The following LMX1B variants were observed in gnomAD, a reference collection of about 807,000 sequenced individuals.
LMX1B encodes LIM homeobox transcription factor 1-beta.
In LMX1B, 12 loss-of-function variants were observed where a neutral mutation model predicts 51.4. That is an observed-to-expected ratio of 0.23 (90% CI 0.15 to 0.38). LMX1B has a LOEUF of 0.38. Ranked by LOEUF, LMX1B falls within the 10% of genes least tolerant of loss-of-function variation. LMX1B has a pLI of 1.00. For missense variants in LMX1B, 445 were observed against 571.1 expected (o/e 0.78, Z 2.25); for synonymous variants, 237 against 235.4 (o/e 1.01, Z -0.06).
At chr9:126,678,319 AAACAAAAAAC>A (rs1354915404) in intron 2 of LMX1B, among the ~76,000 whole-genome samples, 46 of 127,590 alleles carry the variant, frequency 3.6e-4, no homozygotes, top group African/African-American at 2.1e-3. Flanking sequence ...CAAAAAAAAA[AAACAAAAAAC>A]AAAAAAAAAA....
intron 2 of LMX1B, among the ~76,000 whole-genome samples, chr9:126,650,794 C>T (rs900704830): frequency 2.0e-5 from 3 of 152,292 alleles, no homozygotes; most frequent in Middle Eastern, 3.4e-3. Flanking sequence ...GTGCCCTGGG[C>T]GGCCCTCGGC....
intron 2 of LMX1B, among the ~76,000 whole-genome samples, chr9:126,648,089 A>C (rs901392859): frequency 1.3e-5 from 2 of 152,236 alleles, no homozygotes; most frequent in Non-Finnish European, 2.9e-5. Flanking sequence ...TGTGAAATTC[A>C]TAACTCCCAG....
In LMX1B at chr9:126,658,219, G is replaced by C. The variant is rs117836425; in HGVS notation, c.327-32617G>C. On this transcript the variant is annotated intron_variant, in intron 2 of 7. Coordinates refer to ENST00000373474, the MANE Select transcript of LMX1B (RefSeq NM_001174147.2). This position sits in a 1 kb window ranked among gnomAD's most constrained non-coding sequence, Gnocchi z 4.0. Reference sequence around the variant, plus strand: ...GTTGTAGGAGTGGGACAGGGCAGGAGGGGGGTGAGTCTACAAAGGGTACCA... The same window carrying C: ...GTTGTAGGAGTGGGACAGGGCAGGACGGGGGTGAGTCTACAAAGGGTACCA... Among the ~76,000 whole-genome samples, 3,603 of 152,196 alleles carry C rather than the reference G, an allele frequency of 0.024. 72 individuals carry two copies. The highest frequency in any genetic ancestry group is 0.037 in the Non-Finnish European group (2,518 of 67,992).
At chr9:126,629,685 G>A (rs1301725501) in intron 2 of LMX1B, among the ~76,000 whole-genome samples, 1 of 152,062 alleles carries the variant, frequency 6.6e-6, no homozygotes, top group Non-Finnish European at 1.5e-5. Flanking sequence ...CTTTGATGGG[G>A]ATTCACTCAC....
chr9:126,669,243 AGG>A lies in LMX1B; in HGVS notation c.327-21592_327-21591del, dbSNP rs1564161488. Among the ~76,000 whole-genome samples, 177 of 44,896 alleles carry A rather than the reference AGG, an allele frequency of 3.9e-3. 2 individuals carry two copies. The highest frequency in any genetic ancestry group is 0.018 in the African/African-American group (169 of 9,404). The allele number at this position is 44,896 out of a possible 152,430, so 29.5% of individuals were successfully genotyped here. On this transcript the variant is annotated intron_variant, in intron 2 of 7. Transcript: ENST00000373474. The stretch of plus-strand genomic sequence containing the variant: ...GAGGCTGAAACAAGGCCTGGCCGCG[AGG>A]AGGGTGGAGACAGGGATGAGGGCTC...
intron 2 of LMX1B, among the ~76,000 whole-genome samples, chr9:126,624,793 C>T (rs1171358941): frequency 2.4e-4 from 37 of 151,818 alleles, no homozygotes; most frequent in Admixed American, 2.4e-3. Flanking sequence ...ATTACAAAAA[C>T]CCTAAACCCC....
intron 2 of LMX1B, among the ~76,000 whole-genome samples, chr9:126,643,405 C>T (rs1835842369): frequency 1.3e-5 from 2 of 152,126 alleles, no homozygotes; most frequent in African/African-American, 4.8e-5. Flanking sequence ...CAGTGTGACC[C>T]TGGCTCAGTC....
At chr9:126,687,426 C>T (rs1334943209) in intron 2 of LMX1B, among the ~76,000 whole-genome samples, 1 of 152,082 alleles carries the variant, frequency 6.6e-6, no homozygotes, top group East Asian at 1.9e-4. Flanking sequence ...GACGGGGTTT[C>T]ACCATGTTGG....
intron 2 of LMX1B, among the ~76,000 whole-genome samples, chr9:126,664,615 C>T (rs1397865143): frequency 1.3e-5 from 2 of 152,200 alleles, no homozygotes; most frequent in African/African-American, 4.8e-5. Context: ...GTGGCTCACG[C>T]TTGTAATCCC....
chr9:126,638,337 A>T (rs1018622744), intron 2 of LMX1B, among the ~76,000 whole-genome samples: 2 of 151,988 alleles, frequency 1.3e-5, no homozygotes, highest in Non-Finnish European at 2.9e-5. Flanking sequence ...AAGGTGAACG[A>T]CGGGGCCTCC....
chr9:126,643,171 T>TG (rs1167538437), intron 2 of LMX1B, among the ~76,000 whole-genome samples: 1 of 151,818 alleles, frequency 6.6e-6, no homozygotes, highest in Non-Finnish European at 1.5e-5. Flanking sequence ...GGGTGGAGGC[T>TG]GGGGGGCAGT....
rs1050085786 is a variant in LMX1B at position 126,658,107 on chromosome 9, G to A, written c.327-32729G>A. Among the ~76,000 whole-genome samples the A allele has an allele frequency of 2.0e-5, 3 of 152,022 alleles. No individual in the cohort carries two copies. Among genetic ancestry groups the A allele is most frequent in the East Asian group, 1.9e-4 (1 of 5,176 alleles). Reference sequence around the variant, plus strand: ...GGACCTGAGTGGGAACAACCAAGCCGGAGACTCCTGGGTATGAAGGGCAGA... The same window carrying A: ...GGACCTGAGTGGGAACAACCAAGCCAGAGACTCCTGGGTATGAAGGGCAGA... On this transcript the variant is annotated intron_variant, in intron 2 of 7. Transcript: ENST00000373474. This position sits in a 1 kb window ranked among gnomAD's most constrained non-coding sequence, Gnocchi z 4.0.
At chr9:126,690,276 C>T (rs1044156305) in intron 2 of LMX1B, among the ~76,000 whole-genome samples, 5 of 152,202 alleles carry the variant, frequency 3.3e-5, no homozygotes, top group Admixed American at 6.5e-5. Flanking sequence ...AAAGATCCCC[C>T]TGGCTCCTGT....
chr9:126,655,395 A>G (rs1347426566), intron 2 of LMX1B, among the ~76,000 whole-genome samples: 3 of 152,158 alleles, frequency 2.0e-5, no homozygotes, highest in Non-Finnish European at 4.4e-5. Flanking sequence ...GGAGCTGGCC[A>G]GGGACACCTG....
At position 126,675,401 on chromosome 9, in the gene LMX1B, C is replaced by T. The variant is rs966027081; in HGVS notation, c.327-15435C>T. On this transcript the variant is annotated intron_variant, in intron 2 of 7. Transcript: ENST00000373474. ...CAGTATTAAATTATGGAATGCATTA[C>T]CTCTTCAAAAACAAATTCAATAATT... Among the ~76,000 whole-genome samples the T allele has an allele frequency of 2.0e-5, 3 of 152,206 alleles. No individual in the cohort carries two copies. The East Asian group carries it at 5.8e-4, about 29-fold the overall frequency.
intron 2 of LMX1B, among the ~76,000 whole-genome samples, chr9:126,668,259 G>A (rs1207029990): frequency 6.6e-6 from 1 of 152,092 alleles, no homozygotes; most frequent in Non-Finnish European, 1.5e-5. Context: ...GTCAGGCTGT[G>A]TCACTTCCTG....
At chr9:126,674,988 G>A (rs1024536521) in intron 2 of LMX1B, among the ~76,000 whole-genome samples, 22 of 152,320 alleles carry the variant, frequency 1.4e-4, no homozygotes, top group African/African-American at 4.1e-4. Flanking sequence ...CAGGGCATGG[G>A]TTAAATAAGT....
rs1469503021 is a variant in LMX1B, at chr9:126,695,954, G to T, written c.1002G>T (p.Gln334His). The change falls in exon 7 of 8, where the codon CAG (glutamine) becomes CAT (histidine). Residue 334 changes from glutamine (Q) to histidine (H), a missense_variant. Gln to His is a conservative substitution (Grantham distance 24). This residue lies in a region of LMX1B where 162 missense variants were observed against 187.8 expected (regional missense o/e 0.86). Transcript: ENST00000373474. The surrounding 1 kb of genome is among the most constrained non-coding windows in gnomAD (Gnocchi z 5.2). ...CCTACGGCAGCAGCGACCCCTTCCA[G>T]CAGGGCCTCACGCCGCCCCAAATGC... Reference protein sequence around the residue: ...QSPYGSSDPFQQGLTPPQMPG... With the variant: ...QSPYGSSDPFHQGLTPPQMPG... 1.9e-6 allele frequency: 3 copies of T among 1,613,022 alleles called. No individual in the cohort carries two copies. The Admixed American group carries it at 5.0e-5, about 27-fold the overall frequency.
chr9:126,615,408 C>T lies in LMX1B; in HGVS notation c.165C>T (p.Val55=). ...GCTCCGACTGCCCGCATCCCGCCGT[C>T]TGCGAGGGCTGCCAGCGGCCCATCT... ...LLGSDCPHPA[V]CEGCQRPISD... Residue 55 remains valine, a synonymous_variant, in exon 2 of 8, where the codon GTC becomes GTT. Coordinates refer to ENST00000373474, the MANE Select transcript of LMX1B (RefSeq NM_001174147.2). The surrounding 1 kb of genome is among the most constrained non-coding windows in gnomAD (Gnocchi z 6.0). The T allele has an allele frequency of 1.2e-6, 2 of 1,605,138 alleles. No individual in the cohort carries two copies. The highest frequency in any genetic ancestry group is 1.7e-6 in the Non-Finnish European group (2 of 1,176,564).
Sources: gnomAD v4.1 joint callset for allele counts (sites outside exome capture counted in the v4.1 genomes callset) on GRCh38, gnomAD v4.1.1 for gene constraint, gnomAD v4.1.1 regional missense constraint, Gnocchi (gnomAD v3.1) non-coding constraint, MANE v1.5 for transcripts, NCBI Gene and HGNC (gene_info 2026-07-23, HGNC 2026-07-21) for gene names.